PPTC7: variants seen among roughly 807,000 people sequenced by gnomAD.
PPTC7 encodes protein phosphatase PTC7 homolog.
In PPTC7, 6 loss-of-function variants were observed where a neutral mutation model predicts 30.8. The observed-to-expected ratio is 0.19, with a 90% CI of 0.11 to 0.38. The LOEUF is 0.38. Ranked by LOEUF, PPTC7 falls within the 10% of genes least tolerant of loss-of-function variation. The pLI is 1.00. For missense variants in PPTC7, 218 were observed against 404.8 expected (o/e 0.54, Z 3.96); for synonymous variants, 163 against 168.1 (o/e 0.97, Z 0.23).
chr12:110,546,795 T>C (rs2064309298), intron 2 of PPTC7: 1 of 152,144 alleles, frequency 6.6e-6, no homozygotes. Context: ...CAGTTAAACC[T>C]ACCTACCGCC....
intron 3 of PPTC7, 93 bp from the exon 4 acceptor site, chr12:110,540,038 C>T: frequency 8.8e-7 from 1 of 1,129,996 alleles, no homozygotes; most frequent in South Asian, 2.5e-5. Flanking sequence ...ATGTAATAAG[C>T]TTTCTGCAAG....
intron 4 of PPTC7, among the ~76,000 whole-genome samples, chr12:110,538,498 C>A (rs1292164499): frequency 6.6e-6 from 1 of 152,108 alleles, no homozygotes; most frequent in Non-Finnish European, 1.5e-5. Context: ...TTCATTTTTG[C>A]TTTTTTTCCC....
intron 4 of PPTC7, among the ~76,000 whole-genome samples, chr12:110,539,412 G>A (rs1202087160): frequency 6.6e-6 from 1 of 152,150 alleles, no homozygotes; most frequent in East Asian, 1.9e-4. Flanking sequence ...ATACTATTTG[G>A]TTACTGGTGG....
chr12:110,565,360 G>A (rs1411437405), intron 1 of PPTC7, among the ~76,000 whole-genome samples: 1 of 151,390 alleles, frequency 6.6e-6, no homozygotes, highest in East Asian at 2.0e-4. Flanking sequence ...AGGTTCAAGC[G>A]ATTCTCTGCC....
intron 3 of PPTC7, among the ~76,000 whole-genome samples, chr12:110,541,713 A>G (rs527783175): frequency 6.6e-6 from 1 of 152,092 alleles, no homozygotes; most frequent in East Asian, 1.9e-4. Flanking sequence ...AAAAAAAAAA[A>G]AAAAAAAAGA....
chr12:110,561,952 C>T (rs1056468720), intron 1 of PPTC7, among the ~76,000 whole-genome samples: 2 of 151,646 alleles, frequency 1.3e-5, no homozygotes, highest in African/African-American at 4.8e-5. Flanking sequence ...AAAAAAACCC[C>T]AACAAAACAA....
intron 4 of PPTC7, among the ~76,000 whole-genome samples, chr12:110,539,567 TATAA>T (rs2064241323): frequency 6.6e-6 from 1 of 152,204 alleles, no homozygotes; most frequent in Non-Finnish European, 1.5e-5. Flanking sequence ...ACCATTAAAA[TATAA>T]ATAAAGATAC....
chr12:110,553,389 C>CA (rs2064363654), intron 1 of PPTC7, among the ~76,000 whole-genome samples: 12 of 151,920 alleles, frequency 7.9e-5, no homozygotes. Flanking sequence ...CATGATCTGC[C>CA]AGCCTCGGCC....
chr12:110,543,109 C>T (rs1011827979), intron 3 of PPTC7, among the ~76,000 whole-genome samples: 3 of 152,170 alleles, frequency 2.0e-5, no homozygotes, highest in South Asian at 2.1e-4. Flanking sequence ...CTAAGCTCCA[C>T]GGAAAAACCC....
intron 1 of PPTC7, among the ~76,000 whole-genome samples, chr12:110,573,523 T>G (rs563596661): frequency 3.0e-4 from 45 of 152,318 alleles, no homozygotes; most frequent in African/African-American, 1.1e-3. Context: ...TAATCCAACA[T>G]GTATTCTGTT....
chr12:110,545,656 T>C (rs1009900706), intron 3 of PPTC7, among the ~76,000 whole-genome samples: 3 of 152,256 alleles, frequency 2.0e-5, no homozygotes, highest in Non-Finnish European at 4.4e-5. Flanking sequence ...AGTATTTTCA[T>C]GGTCTTGTCA....
intron 1 of PPTC7, among the ~76,000 whole-genome samples, chr12:110,580,528 C>T (rs1483351404): frequency 2.6e-5 from 4 of 151,656 alleles, no homozygotes; most frequent in Admixed American, 2.6e-4. Context: ...TTAGTAGAGA[C>T]GGGGTTTTGC....
chr12:110,534,724 A>G lies in PPTC7; in HGVS notation c.*2313T>C, dbSNP rs189146763. On this transcript the variant is annotated 3_prime_UTR_variant, in exon 6 of 6. Transcript: ENST00000354300. ...ACTGTGAAACTCAATTCTTGCCCCCACTACTTTCAGTATCACTGGAACAAA... is the reference window on the plus strand; with the variant it reads ...ACTGTGAAACTCAATTCTTGCCCCCGCTACTTTCAGTATCACTGGAACAAA... The G allele has an allele frequency of 4.8e-4, 70 of 146,982 alleles. No homozygotes were observed. Among genetic ancestry groups the G allele is most frequent in the African/African-American group, 1.6e-3 (58 of 36,512 alleles). 9.1% of individuals were successfully genotyped at this position (146,982 alleles called of 1,614,324 possible). A position where few individuals can be genotyped will look rare whatever the true frequency, so the allele number is the denominator to read the frequency against.
intron 1 of PPTC7, among the ~76,000 whole-genome samples, chr12:110,565,656 TTTAATA>T (rs1366363552): frequency 1.3e-5 from 2 of 152,226 alleles, no homozygotes; most frequent in Non-Finnish European, 2.9e-5. Context: ...TATACTCACA[TTTAATA>T]TTAAAACTAT....
At chr12:110,582,755 GT>G in intron 1 of PPTC7, 53 bp downstream of exon 1, 2 of 1,429,262 alleles carry the variant, frequency 1.4e-6, no homozygotes, top group Non-Finnish European at 1.9e-6. Flanking sequence ...CGCGCGGGGA[GT>G]CCCCGGGAGG....
In PPTC7 at chr12:110,582,822, G is replaced by A. The variant is rs1235741535; in HGVS notation, c.210C>T (p.Ser70=). The change falls in exon 1 of 6, where the codon TCC becomes TCT. Residue 70 remains serine, a synonymous_variant. Coordinates refer to ENST00000354300, the MANE Select transcript of PPTC7 (RefSeq NM_139283.2). ...TCGGGGACTCACCGAGCACGTCCGC[G>A]GAACGGTGCCGGGCCACGAAGCACG... ...DDACFVARHR[S]ADVLGVADGV... The A allele has an allele frequency of 3.2e-6, 5 of 1,560,912 alleles. No homozygotes were observed. Among genetic ancestry groups the A allele is most frequent in the Non-Finnish European group, 3.5e-6 (4 of 1,153,050 alleles).
intron 1 of PPTC7, among the ~76,000 whole-genome samples, chr12:110,580,099 A>C (rs2064624630): frequency 6.6e-6 from 1 of 152,132 alleles, no homozygotes; most frequent in South Asian, 2.1e-4. Context: ...ACTAAGGGTC[A>C]GATCGTCCAT....
intron 3 of PPTC7, among the ~76,000 whole-genome samples, chr12:110,542,942 C>G (rs2064273999): frequency 6.6e-6 from 1 of 152,142 alleles, no homozygotes; most frequent in African/African-American, 2.4e-5. Context: ...GAGGCTGGTT[C>G]TTGGCGACTT....
chr12:110,563,507 C>A (rs892238937), intron 1 of PPTC7, among the ~76,000 whole-genome samples: 1 of 151,912 alleles, frequency 6.6e-6, no homozygotes, highest in Non-Finnish European at 1.5e-5. Flanking sequence ...CCCAGCTACT[C>A]AGGAGACTGA....
Sources: allele counts gnomAD v4.1 joint callset (sites outside exome capture counted in the v4.1 genomes callset), GRCh38; gene constraint gnomAD v4.1.1; transcripts MANE v1.5; gene names NCBI Gene and HGNC (gene_info 2026-07-23, HGNC 2026-07-21).